DPYS: variants seen among roughly 807,000 people sequenced by gnomAD.
DPYS encodes dihydropyrimidinase, also known as dihydropyrimidine amidohydrolase.
DPYS carries 39 observed loss-of-function variants against 50.3 expected under a neutral mutation model. The observed-to-expected ratio is 0.78, with a 90% CI of 0.60 to 1.01. The LOEUF (loss-of-function observed/expected upper bound fraction) is 1.01. DPYS is among the 50% of genes least tolerant of loss of function. DPYS has a pLI of 0.00. For missense variants in DPYS, 659 were observed against 680.9 expected, an observed-to-expected ratio of 0.97 and a Z score of 0.36; for synonymous variants, 245 against 250.7, an observed-to-expected ratio of 0.98 and a Z score of 0.22.
intron 7 of DPYS, among the ~76,000 whole-genome samples, chr8:104,421,984 A>C (rs1033634228): frequency 3.3e-5 from 5 of 152,330 alleles, no homozygotes; most frequent in Non-Finnish European, 4.4e-5. Flanking sequence ...AATATGTGGT[A>C]AATAAAGCAA....
At chr8:104,394,616 G>T (rs1366038112) in intron 7 of DPYS, among the ~76,000 whole-genome samples, 1 of 151,542 alleles carries the variant, frequency 6.6e-6, no homozygotes, top group African/African-American at 2.4e-5. Flanking sequence ...TTACCCTCCT[G>T]CATTCCTTAC....
chr8:104,439,412 C>T (rs1007700477), intron 4 of DPYS, among the ~76,000 whole-genome samples: 1 of 152,068 alleles, frequency 6.6e-6, no homozygotes, highest in Non-Finnish European at 1.5e-5. Context: ...ATAAAAATAG[C>T]AAAATGATAA....
chr8:104,391,760 T>C (rs997408521), intron 8 of DPYS, among the ~76,000 whole-genome samples: 1 of 152,120 alleles, frequency 6.6e-6, no homozygotes, highest in Admixed American at 6.5e-5. Flanking sequence ...CTGGTATGGC[T>C]GGCTAATTAT....
intron 8 of DPYS, among the ~76,000 whole-genome samples, chr8:104,382,484 C>G (rs1270068483): frequency 1.3e-5 from 2 of 151,972 alleles, no homozygotes; most frequent in Non-Finnish European, 2.9e-5. Context: ...AAACCTTAAA[C>G]TCACTAATAC....
intron 1 of DPYS, among the ~76,000 whole-genome samples, chr8:104,464,673 A>G (rs551177384): frequency 1.3e-5 from 2 of 152,380 alleles, no homozygotes; most frequent in South Asian, 2.1e-4. Flanking sequence ...ACACAGACAC[A>G]TGCACAATAT....
At chr8:104,443,523 G>A (rs1221958736) in intron 4 of DPYS, among the ~76,000 whole-genome samples, 6 of 152,154 alleles carry the variant, frequency 3.9e-5, no homozygotes, top group Non-Finnish European at 7.3e-5. Flanking sequence ...CATGTACTAG[G>A]TGCCTTGCAC....
intron 9 of DPYS, 88 bp downstream of exon 9, chr8:104,381,096 G>A (rs769120657): frequency 8.1e-6 from 9 of 1,116,524 alleles, no homozygotes; most frequent in Non-Finnish European, 1.2e-5. Flanking sequence ...TGAAGCCTCT[G>A]ACCTTGATCT....
intron 7 of DPYS, among the ~76,000 whole-genome samples, chr8:104,409,889 T>C (rs536733427): frequency 3.3e-5 from 5 of 152,292 alleles, no homozygotes; most frequent in Admixed American, 3.3e-4. Context: ...ACTGGCACAG[T>C]TAAGATTTAA....
intron 7 of DPYS, among the ~76,000 whole-genome samples, chr8:104,405,273 A>G (rs916058995): frequency 6.6e-6 from 1 of 152,184 alleles, no homozygotes; most frequent in African/African-American, 2.4e-5. Flanking sequence ...AGAGACTTAG[A>G]GAGCTTGAGT....
At chr8:104,397,171 C>A (rs1252631753) in intron 7 of DPYS, among the ~76,000 whole-genome samples, 1 of 152,160 alleles carries the variant, frequency 6.6e-6, no homozygotes, top group Non-Finnish European at 1.5e-5. Flanking sequence ...TTCTCCCTGC[C>A]CTAAAACTCC....
At chr8:104,432,201 C>T (rs1812977714) in intron 4 of DPYS, among the ~76,000 whole-genome samples, 1 of 152,212 alleles carries the variant, frequency 6.6e-6, no homozygotes, top group Non-Finnish European at 1.5e-5. Flanking sequence ...CTTATTTCTC[C>T]ATTTTTTGGC....
At chr8:104,391,005 A>G (rs1184600409) in intron 8 of DPYS, among the ~76,000 whole-genome samples, 2 of 152,204 alleles carry the variant, frequency 1.3e-5, no homozygotes, top group Admixed American at 1.3e-4. Context: ...GTTAACATTT[A>G]TAAACTAACT....
At chr8:104,407,490 T>C (rs756974148) in intron 7 of DPYS, among the ~76,000 whole-genome samples, 36 of 152,206 alleles carry the variant, frequency 2.4e-4, no homozygotes, top group Non-Finnish European at 2.9e-4. Flanking sequence ...TAGGTCTACA[T>C]AGGAGATTAT....
At chr8:104,453,422 G>A (rs1564112797) in intron 1 of DPYS, among the ~76,000 whole-genome samples, 1 of 152,174 alleles carries the variant, frequency 6.6e-6, no homozygotes, top group East Asian at 1.9e-4. Flanking sequence ...CATCCCTTGA[G>A]GATGAAGGAC....
At chr8:104,466,565 C>G (rs557198464) in intron 1 of DPYS, 92 bp downstream of exon 1, 11 of 1,341,336 alleles carry the variant, frequency 8.2e-6, no homozygotes, top group Non-Finnish European at 1.1e-5. Flanking sequence ...CCGCGCCGCG[C>G]GAGGCGGCCC....
chr8:104,467,038 G>C lies in DPYS; in HGVS notation c.-118C>G. The stretch of plus-strand genomic sequence containing the variant: ...TCCCCACCGACAGCCCCCGAGCTCT[G>C]CCTCAGGCTGCAAATCCGGAGCCCG... On this transcript the variant is annotated 5_prime_UTR_variant, in exon 1 of 10. Coordinates refer to ENST00000351513, the MANE Select transcript of DPYS (RefSeq NM_001385.3). The C allele has an allele frequency of 8.1e-7, 1 of 1,239,022 alleles. No individual in the cohort carries two copies. The highest frequency in any genetic ancestry group is 1.0e-6 in the Non-Finnish European group (1 of 958,018). 76.8% of individuals were successfully genotyped at this position (1,239,022 alleles called of 1,614,324 possible).
Position 104,429,653 on chromosome 8 carries a change from C to T in DPYS, c.842G>A (p.Gly281Asp), listed in dbSNP as rs1179365169. 1 of 1,613,998 alleles carries T rather than the reference C, an allele frequency of 6.2e-7. No individual in the cohort carries two copies. Among genetic ancestry groups the T allele is most frequent in the Non-Finnish European group, 8.5e-7 (1 of 1,180,026 alleles). ...CCATTCTTTATTCCAGTAGTGAGTG[C>T]CATCTGTGCCAAGACTGGCTGCTAT... ...EPIAASLGTD[G>D]THYWNKEWHH... The change falls in exon 5 of 10, where the codon GGC (glycine) becomes GAC (aspartate). Residue 281 changes from glycine to aspartate, a missense_variant. Coordinates refer to ENST00000351513, the MANE Select transcript of DPYS (RefSeq NM_001385.3).
intron 2 of DPYS, among the ~76,000 whole-genome samples, chr8:104,448,646 TA>T (rs1813624437): frequency 6.6e-6 from 1 of 151,668 alleles, no homozygotes; most frequent in African/African-American, 2.4e-5. Context: ...TGCTCTTAGC[TA>T]ATAAAAGTTC....
chr8:104,433,745 A>T (rs1167943120), intron 4 of DPYS, among the ~76,000 whole-genome samples: 1 of 152,178 alleles, frequency 6.6e-6, no homozygotes, highest in Non-Finnish European at 1.5e-5. Context: ...CACATGAGTA[A>T]ATGAAATTTG....
Sources: gnomAD v4.1 joint callset for allele counts (sites outside exome capture counted in the v4.1 genomes callset) on GRCh38, gnomAD v4.1.1 for gene constraint, MANE v1.5 for transcripts, NCBI Gene and HGNC (gene_info 2026-07-23, HGNC 2026-07-21) for gene names.